Variants in NEK11 observed in about 807,000 individuals in gnomAD.
NEK11 encodes the protein serine/threonine-protein kinase Nek11.
Under a neutral mutation model 80.7 loss-of-function variants are expected in NEK11, and 72 were observed. The observed-to-expected ratio is 0.89, with a 90% CI of 0.74 to 1.08. NEK11 has a LOEUF of 1.08. Among genes scored for constraint, NEK11 ranks in the 50% least tolerant of loss-of-function variants. NEK11 has a pLI of 0.00. For synonymous variants in NEK11, 251 were observed against 260.7 expected (o/e 0.96, Z 0.36); for missense variants, 764 against 763.6 (o/e 1.00, Z -0.01).
At chr3:131,288,450 C>CTTTCTTTCTTTCTTTTTTTT (rs536834704) in intron 17 of NEK11, among the ~76,000 whole-genome samples, 16 of 115,382 alleles carry the variant, frequency 1.4e-4, no homozygotes, top group Non-Finnish European at 2.7e-4. Context: ...TTCTTTCTTT[C>CTTTCTTTCTTTCTTTTTTTT]TTTTTTTTTT....
intron 17 of NEK11, among the ~76,000 whole-genome samples, chr3:131,332,458 C>T (rs1469539486): frequency 6.6e-6 from 1 of 152,096 alleles, no homozygotes; most frequent in African/African-American, 2.4e-5. Context: ...ACACCAAAAA[C>T]CCATCTGTAC....
chr3:131,121,009 G>A (rs1379357805), intron 5 of NEK11, among the ~76,000 whole-genome samples: 3 of 152,210 alleles, frequency 2.0e-5, no homozygotes, highest in Non-Finnish European at 4.4e-5. Flanking sequence ...TCTTCGTCCA[G>A]CTTTGTTCCG....
chr3:131,330,066 G>A (rs2097049639), intron 17 of NEK11: 2 of 152,214 alleles, frequency 1.3e-5, no homozygotes, highest in African/African-American at 4.8e-5. Context: ...CAGAGTAGTA[G>A]TGGAAATGGT....
chr3:131,114,714 G>T (rs917169275), intron 5 of NEK11, among the ~76,000 whole-genome samples: 17 of 152,114 alleles, frequency 1.1e-4, no homozygotes, highest in Non-Finnish European at 2.1e-4. Context: ...GAATACTTGG[G>T]AACAAGAATA....
At chr3:131,087,432 TG>T (rs1170068737) in intron 4 of NEK11, among the ~76,000 whole-genome samples, 9 of 151,806 alleles carry the variant, frequency 5.9e-5, no homozygotes, top group African/African-American at 2.2e-4. Context: ...TTAGTAAAGA[TG>T]GGGTTTCTCC....
intron 4 of NEK11, among the ~76,000 whole-genome samples, chr3:131,100,053 G>T (rs1366097662): frequency 6.6e-6 from 1 of 152,124 alleles, no homozygotes; most frequent in Non-Finnish European, 1.5e-5. Flanking sequence ...CAAAGAGAAT[G>T]GTTCCAGTTT....
chr3:131,211,653 G>A (rs1419348418), intron 14 of NEK11, among the ~76,000 whole-genome samples: 1 of 152,162 alleles, frequency 6.6e-6, no homozygotes, highest in African/African-American at 2.4e-5. Flanking sequence ...GTTTCTTGGA[G>A]GCTTTGTTCA....
chr3:131,117,583 G>T (rs570030766), intron 5 of NEK11, among the ~76,000 whole-genome samples: 1 of 152,048 alleles, frequency 6.6e-6, no homozygotes, highest in African/African-American at 2.4e-5. Context: ...CCATTTTCAC[G>T]ATATTGATTC....
chr3:131,216,342 A>G (rs1416918454), intron 14 of NEK11, among the ~76,000 whole-genome samples: 1 of 152,204 alleles, frequency 6.6e-6, no homozygotes, highest in Non-Finnish European at 1.5e-5. Flanking sequence ...GTGGGTTGCA[A>G]ATGATAAAAG....
intron 14 of NEK11, among the ~76,000 whole-genome samples, chr3:131,204,713 C>T (rs2094390584): frequency 1.3e-5 from 2 of 151,676 alleles, no homozygotes; most frequent in African/African-American, 4.8e-5. Context: ...ATGTACAACA[C>T]ATCTATTTCT....
chr3:131,306,731 T>G (rs770832906), intron 17 of NEK11, among the ~76,000 whole-genome samples: 17 of 152,200 alleles, frequency 1.1e-4, no homozygotes, highest in Non-Finnish European at 1.6e-4. Flanking sequence ...ACTGGAAGCA[T>G]GGAGAGCTGT....
chr3:131,243,978 G>A (rs532883259), intron 16 of NEK11, among the ~76,000 whole-genome samples: 2 of 151,954 alleles, frequency 1.3e-5, no homozygotes, highest in South Asian at 4.2e-4. Flanking sequence ...CAGGGATAAA[G>A]CCCTATTTCT....
chr3:131,207,277 C>T (rs1016605282), intron 14 of NEK11, among the ~76,000 whole-genome samples: 25 of 152,260 alleles, frequency 1.6e-4, no homozygotes, highest in Admixed American at 3.9e-4. Context: ...GTTTACAGTC[C>T]CACCAACAGT....
intron 17 of NEK11, among the ~76,000 whole-genome samples, chr3:131,336,241 A>G (rs1037797503): frequency 7.9e-5 from 12 of 152,242 alleles, no homozygotes; most frequent in Admixed American, 1.3e-4. Flanking sequence ...ACAGTAACCA[A>G]AACAGCATGG....
chr3:131,040,464 G>C (rs564163240), intron 3 of NEK11, among the ~76,000 whole-genome samples: 1 of 152,250 alleles, frequency 6.6e-6, no homozygotes, highest in Middle Eastern at 3.4e-3. Context: ...CTTAAAATAT[G>C]TGCAGTGTAT....
intron 3 of NEK11, among the ~76,000 whole-genome samples, chr3:131,061,790 G>A (rs2070924055): frequency 6.6e-6 from 1 of 152,128 alleles, no homozygotes; most frequent in Admixed American, 6.5e-5. Context: ...GATTTCTGGA[G>A]GGCCAGACTA....
intron 4 of NEK11, among the ~76,000 whole-genome samples, chr3:131,084,938 T>C (rs1366053045): frequency 6.6e-6 from 1 of 152,102 alleles, no homozygotes; most frequent in African/African-American, 2.4e-5. Flanking sequence ...AAGGAGAGAA[T>C]AGTTAGTGTG....
rs533110106 is a variant in NEK11, at chr3:131,207,972, C to A, written c.1400-20556C>A. Among the ~76,000 whole-genome samples the A allele has an allele frequency of 7.3e-3, 1,105 of 152,182 alleles. 19 individuals are homozygous for A. The highest frequency in any genetic ancestry group is 0.024 in the African/African-American group (1,008 of 41,556). Reference sequence around the variant, plus strand: ...TGTGCAGAAGCTCTTTAGTTTAATTCGATCCCATTTGTCTATTTTGGCTTT... The same window carrying A: ...TGTGCAGAAGCTCTTTAGTTTAATTAGATCCCATTTGTCTATTTTGGCTTT... On this transcript the variant is annotated intron_variant, in intron 14 of 17. Transcript: ENST00000383366.
intron 14 of NEK11, among the ~76,000 whole-genome samples, chr3:131,211,252 G>T (rs1393834998): frequency 2.0e-5 from 3 of 152,176 alleles, no homozygotes; most frequent in Non-Finnish European, 2.9e-5. Context: ...GGCTGGATAT[G>T]AAATTCTAGG....
Sources: gnomAD v4.1 joint callset for allele counts (sites outside exome capture counted in the v4.1 genomes callset) on GRCh38, gnomAD v4.1.1 for gene constraint, MANE v1.5 for transcripts, NCBI Gene and HGNC (gene_info 2026-07-23, HGNC 2026-07-21) for gene names.